Variants in CLEC2L observed in about 807,000 individuals in gnomAD.
CLEC2L encodes the protein C-type lectin domain family 2, member L.
Under a neutral mutation model 23.6 loss-of-function variants are expected in CLEC2L, and 14 were observed. The ratio of observed to expected loss-of-function variants is 0.59; its 90% CI spans 0.39 to 0.93. The LOEUF (loss-of-function observed/expected upper bound fraction) is 0.93. Among genes scored for constraint, CLEC2L ranks in the 40% least tolerant of loss-of-function variants. CLEC2L has a pLI of 0.00. For synonymous variants in CLEC2L, 114 were observed against 121.3 expected (o/e 0.94, Z 0.40); for missense variants, 264 against 282.4 (o/e 0.93, Z 0.47).
intron 1 of CLEC2L, among the ~76,000 whole-genome samples, chr7:139,526,853 G>A (rs1257587932): frequency 6.6e-6 from 1 of 152,180 alleles, no homozygotes; most frequent in African/African-American, 2.4e-5. Flanking sequence ...TGGACTTCTG[G>A]TCAGCCTCCC....
At chr7:139,528,723 G>A (rs1569425905) in intron 1 of CLEC2L, among the ~76,000 whole-genome samples, 1 of 152,202 alleles carries the variant, frequency 6.6e-6, no homozygotes, top group African/African-American at 2.4e-5. Context: ...AGAATACCAT[G>A]TGATGATAAA....
Position 139,537,066 on chromosome 7 carries a change from T to TA in CLEC2L, c.265+729dup, listed in dbSNP as rs111228229. ...TAAGCTCTGGGCTAAGTGCTAAGGT[T>TA]AAAAAAAAAAAGACGAATATGACAC... On this transcript the variant is annotated intron_variant, in intron 2 of 4. Coordinates refer to ENST00000422142, the MANE Select transcript of CLEC2L (RefSeq NM_001080511.4). Among the ~76,000 whole-genome samples the TA allele has an allele frequency of 3.4e-3, 487 of 143,452 alleles. 6 individuals carry two copies. The highest frequency in any genetic ancestry group is 8.9e-3 in the African/African-American group (347 of 39,024). The allele number at this position is 143,452 out of a possible 152,430, so 94.1% of individuals were successfully genotyped here.
At chr7:139,536,440 C>T (rs1797658435) in intron 2 of CLEC2L, 92 bp downstream of exon 2, 1 of 1,123,874 alleles carries the variant, frequency 8.9e-7, no homozygotes, top group Non-Finnish European at 1.3e-6. Flanking sequence ...TCTAGACATT[C>T]CAAGAATCCT....
intron 1 of CLEC2L, among the ~76,000 whole-genome samples, chr7:139,532,966 AAAT>A (rs1454007922): frequency 6.6e-6 from 1 of 152,266 alleles, no homozygotes; most frequent in African/African-American, 2.4e-5. Context: ...TTTGGTGTTG[AAAT>A]AATGATACCC....
At chr7:139,533,954 G>A (rs997497323) in intron 1 of CLEC2L, among the ~76,000 whole-genome samples, 3 of 152,254 alleles carry the variant, frequency 2.0e-5, no homozygotes, top group South Asian at 4.1e-4. Flanking sequence ...CTTTCAAAGT[G>A]GGGGCACAAC....
rs1797565381 is a variant in CLEC2L, at chr7:139,530,441, C to T, written c.191-5833C>T. Among the ~76,000 whole-genome samples the T allele has an allele frequency of 3.3e-5, 5 of 152,210 alleles. No individual in the cohort carries two copies. The South Asian group carries it at 1.0e-3, about 32-fold the overall frequency. On this transcript the variant is annotated intron_variant, in intron 1 of 4. Coordinates refer to ENST00000422142, the MANE Select transcript of CLEC2L (RefSeq NM_001080511.4). ...GAACAGGAGGACTGGTTGAAAATTT[C>T]TTTAAGGAGGATTTAGATTCCCATT...
chr7:139,524,949 C>T (rs919878478), intron 1 of CLEC2L, among the ~76,000 whole-genome samples: 2 of 152,050 alleles, frequency 1.3e-5, no homozygotes, highest in African/African-American at 4.8e-5. Flanking sequence ...GGAGGGCTTC[C>T]CAGGAGTAGG....
intron 4 of CLEC2L, among the ~76,000 whole-genome samples, chr7:139,542,848 G>T (rs372065128): frequency 8.3e-4 from 127 of 152,268 alleles, no homozygotes; most frequent in African/African-American, 2.9e-3. Context: ...TGGTGACTGT[G>T]TGGGGCGTGG....
At chr7:139,527,541 C>T (rs902011665) in intron 1 of CLEC2L, among the ~76,000 whole-genome samples, 7 of 152,190 alleles carry the variant, frequency 4.6e-5, no homozygotes, top group African/African-American at 7.2e-5. Context: ...TCTTTTCTCT[C>T]GCTGTAGATA....
At chr7:139,534,496 T>C (rs1360505903) in intron 1 of CLEC2L, 5 of 779,126 alleles carry the variant, frequency 6.4e-6, no homozygotes, top group Non-Finnish European at 1.2e-5. Context: ...AAAAAAAGAC[T>C]GGATTAAAGA....
intron 3 of CLEC2L, 145 bp from the exon 4 acceptor site, chr7:139,541,876 G>A: frequency 3.1e-6 from 2 of 651,184 alleles, no homozygotes; most frequent in Non-Finnish European, 5.4e-6. Context: ...CTCCTTACTT[G>A]CGGGATTCAG....
At chr7:139,536,643 G>A (rs553461380) in intron 2 of CLEC2L, among the ~76,000 whole-genome samples, 1 of 152,230 alleles carries the variant, frequency 6.6e-6, no homozygotes, top group East Asian at 1.9e-4. Context: ...GGAAGACAGT[G>A]CTTCTTGGAG....
At position 139,544,874 on chromosome 7, in the gene CLEC2L, G is replaced by A. The variant is rs79893044; in HGVS notation, c.*532G>A. Reference sequence around the variant, plus strand: ...CGGGCCAGCCCCGCCCCGGGCCCCAGAGGTCCCCTGCATCCCCCTTCTTTG... The same window carrying A: ...CGGGCCAGCCCCGCCCCGGGCCCCAAAGGTCCCCTGCATCCCCCTTCTTTG... On this transcript the variant is annotated 3_prime_UTR_variant, in exon 5 of 5. Coordinates refer to ENST00000422142, the MANE Select transcript of CLEC2L (RefSeq NM_001080511.4). 0.015 allele frequency: 2,238 copies of A among 153,436 alleles called. 20 individuals are homozygous for A. Among genetic ancestry groups the A allele is most frequent in the Non-Finnish European group, 0.022 (1,511 of 68,812 alleles). 9.5% of individuals were successfully genotyped at this position (153,436 alleles called of 1,614,324 possible). A position where few individuals can be genotyped will look rare whatever the true frequency, so the allele number is the denominator to read the frequency against.
chr7:139,536,037 G>A (rs1218535924), intron 1 of CLEC2L, among the ~76,000 whole-genome samples: 1 of 152,214 alleles, frequency 6.6e-6, no homozygotes, highest in Non-Finnish European at 1.5e-5. Context: ...AGGTATGGTA[G>A]CTCATGCCTG....
intron 2 of CLEC2L, among the ~76,000 whole-genome samples, chr7:139,538,601 T>C (rs886825379): frequency 6.6e-6 from 1 of 151,642 alleles, no homozygotes; most frequent in African/African-American, 2.4e-5. Flanking sequence ...ACAAAAAAAT[T>C]AGCTGGGCAT....
chr7:139,542,583 C>T lies in CLEC2L; in HGVS notation c.533+462C>T, dbSNP rs556850719. Among the ~76,000 whole-genome samples, 9 of 152,330 alleles carry T rather than the reference C, an allele frequency of 5.9e-5. No individual in the cohort carries two copies. The South Asian group carries it at 1.2e-3, about 21-fold the overall frequency. On this transcript the variant is annotated intron_variant, in intron 4 of 4. Transcript: ENST00000422142. ...GATGCGCCTCTGTCCCGGGCAGCCTCGTGCCACCTAAGCACTGTAGCTGTG... is the reference window on the plus strand; with the variant it reads ...GATGCGCCTCTGTCCCGGGCAGCCTTGTGCCACCTAAGCACTGTAGCTGTG...
chr7:139,531,307 T>C (rs1212856220), intron 1 of CLEC2L, among the ~76,000 whole-genome samples: 1 of 152,204 alleles, frequency 6.6e-6, no homozygotes, highest in Non-Finnish European at 1.5e-5. Context: ...GAGAAAGTAT[T>C]GCATCATTAA....
At chr7:139,543,263 C>T (rs1273565012) in intron 4 of CLEC2L, among the ~76,000 whole-genome samples, 1 of 152,188 alleles carries the variant, frequency 6.6e-6, no homozygotes, top group East Asian at 1.9e-4. Context: ...TATCTCACCC[C>T]CTTTCCTGTC....
chr7:139,536,880 C>T (rs1354416105), intron 2 of CLEC2L, among the ~76,000 whole-genome samples: 1 of 144,766 alleles, frequency 6.9e-6, no homozygotes. Flanking sequence ...GAGGCTGAGG[C>T]AGGAGAATCG....
Sources: allele counts gnomAD v4.1 joint callset (sites outside exome capture counted in the v4.1 genomes callset), GRCh38; gene constraint gnomAD v4.1.1; transcripts MANE v1.5; gene names NCBI Gene and HGNC (gene_info 2026-07-23, HGNC 2026-07-21).